CCNF: variants seen among roughly 807,000 people sequenced by gnomAD.
The protein encoded by CCNF is cyclin F, also known as cyclin-F.
In CCNF, 30 loss-of-function variants were observed where a neutral mutation model predicts 85.4. The observed-to-expected ratio is 0.35, with a 90% confidence interval of 0.26 to 0.48. The LOEUF is 0.48. Ranked by LOEUF, CCNF falls within the 20% of genes least tolerant of loss-of-function variation. The pLI is 0.99. For missense variants in CCNF, 919 were observed against 1,010.4 expected (o/e 0.91, Z 1.23); for synonymous variants, 439 against 425.1 (o/e 1.03, Z -0.40).
rs140856384 is a variant in CCNF, at chr16:2,435,839, G to A, written c.312G>A (p.Val104=). The A allele has an allele frequency of 3.7e-4, 603 of 1,613,860 alleles. No individual in the cohort carries two copies. The highest frequency in any genetic ancestry group is 1.8e-3 in the Middle Eastern group (11 of 6,060). Residue 104 remains valine, a synonymous_variant, in exon 4 of 17, where the codon GTG becomes GTA. Transcript: ENST00000397066. ...AAAAGGGGAATTTCGAAGCTGCTGT[G>A]AAGCTGGGCATAGCCTACCTCTACA... is the stretch of plus-strand genomic sequence containing the variant. ...AAEKGNFEAA[V]KLGIAYLYNE...
In CCNF at chr16:2,443,793, A is replaced by G. The variant is rs1166969662; in HGVS notation, c.922A>G (p.Thr308Ala). 6.2e-7 allele frequency: 1 copy of G among 1,613,974 alleles called. No homozygotes were observed. Among genetic ancestry groups the G allele is most frequent in the Non-Finnish European group, 8.5e-7 (1 of 1,179,962 alleles). The change falls in exon 9 of 17, where the codon ACA (threonine) becomes GCA (alanine). Residue 308 changes from threonine to alanine, a missense_variant. By Grantham distance (58) the Thr-to-Ala change is moderately conservative. This residue lies in a region of CCNF where 410 missense variants were observed against 478.6 expected (regional missense o/e 0.86). Coordinates refer to ENST00000397066, the MANE Select transcript of CCNF (RefSeq NM_001761.3). Reference sequence around the variant, plus strand: ...CTCCGTGCAGAAGGGACTCAATGACACAATGAGGTGAGGCATTCAGGCCGG... The same window carrying G: ...CTCCGTGCAGAAGGGACTCAATGACGCAATGAGGTGAGGCATTCAGGCCGG... ...VFSVQKGLNDTMRYILIDWLV... is the reference protein window; with the variant it reads ...VFSVQKGLNDAMRYILIDWLV...
chr16:2,443,921 A>AC (rs2065346579), intron 9 of CCNF, 121 bp downstream of exon 9: 5 of 700,946 alleles, frequency 7.1e-6, no homozygotes, highest in East Asian at 3.4e-5. Flanking sequence ...TTCCCTTATC[A>AC]CCCTTTTTTT....
rs2065301350 is a variant in CCNF at position 2,438,121 on chromosome 16, G to A, written c.592G>A (p.Glu198Lys). The change falls in exon 6 of 17, where the codon GAG becomes AAG. Residue 198 changes from glutamate (E) to lysine (K), a missense_variant and splice_region_variant. Glu to Lys is a moderately conservative substitution (Grantham distance 56). Around this residue, in one of 3 missense-constraint regions of CCNF, gnomAD observed 410 missense variants for 478.6 expected, o/e 0.86. Transcript: ENST00000397066. ...HCLGRVLSLF[E>K]DEEKQQQAHD... is the part of the protein sequence containing the mutation. ...CTTGGGCAGAGTGCTGAGTCTGTTCGAGGTGAGTCAAGTTGTTCTCTGCAC... is the reference window on the plus strand; with the variant it reads ...CTTGGGCAGAGTGCTGAGTCTGTTCAAGGTGAGTCAAGTTGTTCTCTGCAC... 1.9e-6 allele frequency: 3 copies of A among 1,605,794 alleles called. No homozygotes were observed. The highest frequency in any genetic ancestry group is 1.1e-5 in the South Asian group (1 of 90,902).
intron 4 of CCNF, 45 bp from the exon 5 acceptor site, chr16:2,437,084 G>A (rs776563616): frequency 4.8e-6 from 7 of 1,445,378 alleles, no homozygotes; most frequent in Admixed American, 4.3e-5. Context: ...TCCACATTCC[G>A]TCCCTAAGAG....
intron 15 of CCNF, among the ~76,000 whole-genome samples, chr16:2,454,791 T>G (rs548083797): frequency 2.0e-5 from 3 of 152,154 alleles, no homozygotes; most frequent in South Asian, 4.1e-4. Context: ...CGGGTGCGGT[T>G]GCTCATGCCT....
chr16:2,441,095 CT>C (rs1417427620), intron 8 of CCNF, among the ~76,000 whole-genome samples: 2 of 151,964 alleles, frequency 1.3e-5, no homozygotes, highest in Non-Finnish European at 2.9e-5. Flanking sequence ...TTAGCTGGGC[CT>C]GGTGGCATGT....
rs1415642307 is a variant in CCNF at position 2,453,838 on chromosome 16, G to A, written c.1715+301G>A. Among the ~76,000 whole-genome samples, 1 of 152,174 alleles carries A rather than the reference G, an allele frequency of 6.6e-6. No individual in the cohort carries two copies. The highest frequency in any genetic ancestry group is 2.4e-5 in the African/African-American group (1 of 41,434). ...CTAGCCTGGCTCTAGCCCTGCCCGTGCCTGTCATGCGCGTCCTGGACTTCT... is the reference window on the plus strand; with the variant it reads ...CTAGCCTGGCTCTAGCCCTGCCCGTACCTGTCATGCGCGTCCTGGACTTCT... On this transcript the variant is annotated intron_variant, in intron 15 of 16. Transcript: ENST00000397066. This position sits in a 1 kb window ranked among gnomAD's most constrained non-coding sequence, Gnocchi z 5.6.
At chr16:2,435,512 G>C (rs1303595135) in intron 3 of CCNF, among the ~76,000 whole-genome samples, 1 of 151,230 alleles carries the variant, frequency 6.6e-6, no homozygotes, top group Admixed American at 6.6e-5. Flanking sequence ...TTAAGCCCAG[G>C]AGGTTGAGGC....
In CCNF at chr16:2,453,475, T is replaced by G; in HGVS notation, c.1653T>G (p.Thr551=). ...GVTQDSPDPP[T]FLSTGEIHAF... is the part of the protein sequence containing the mutation. ...CACAAGACAGCCCCGACCCCCCGAC[T>G]TTCCTCAGCACAGGGGAGATCCACG... The change falls in exon 15 of 17, where the codon ACT becomes ACG. Residue 551 remains threonine (T), a synonymous_variant. Transcript: ENST00000397066. The surrounding 1 kb of genome is among the most constrained non-coding windows in gnomAD (Gnocchi z 5.6). 6.2e-7 allele frequency: 1 copy of G among 1,614,062 alleles called. No individual in the cohort carries two copies. The highest frequency in any genetic ancestry group is 8.5e-7 in the Non-Finnish European group (1 of 1,179,992).
Position 2,455,375 on chromosome 16 carries a change from G to T in CCNF, c.1716-20G>T, listed in dbSNP as rs1224597542. The stretch of plus-strand genomic sequence containing the variant: ...GCCGCCGTCCATGACTGGGTCTCCT[G>T]GGCTCTCTCCACCTTGCAGGAAGCG... On this transcript the variant is annotated intron_variant, in intron 15 of 16. Transcript: ENST00000397066. 5.1e-6 allele frequency: 8 copies of T among 1,566,180 alleles called. No homozygotes were observed. The highest frequency in any genetic ancestry group is 7.0e-6 in the Non-Finnish European group (8 of 1,146,816).
chr16:2,431,226 A>G lies in CCNF; in HGVS notation c.113A>G (p.Asp38Gly). The part of the protein sequence containing the change: ...RNLTILSLPE[D>G]VLFHILKWLS... ...CTGACCATCTTGAGTCTCCCCGAAG[A>G]TGTGCTCTTTCACATCCTGAAATGG... is the stretch of plus-strand genomic sequence containing the variant. Residue 38 changes from aspartate (D) to glycine (G), a missense_variant, in exon 2 of 17, where the codon GAT becomes GGT. By Grantham distance (94) the Asp-to-Gly change is moderately conservative (BLOSUM62 -1). This residue lies in a region of CCNF where 410 missense variants were observed against 478.6 expected (regional missense o/e 0.86). Transcript: ENST00000397066. 2 of 1,614,154 alleles carry G rather than the reference A, an allele frequency of 1.2e-6. No individual in the cohort carries two copies. The highest frequency in any genetic ancestry group is 1.1e-5 in the South Asian group (1 of 91,090).
chr16:2,435,661 AC>A, intron 3 of CCNF, 144 bp from the exon 4 acceptor site: 1 of 151,150 alleles, frequency 6.6e-6, no homozygotes, highest in African/African-American at 2.5e-4. Context: ...ATATGCACAC[AC>A]ACACATATAT....
Position 2,441,306 on chromosome 16 carries a change from G to C in CCNF, c.777+1480G>C, listed in dbSNP as rs980803087. Among the ~76,000 whole-genome samples the C allele has an allele frequency of 2.0e-5, 3 of 152,260 alleles. 1 individual carries two copies. The highest frequency in any genetic ancestry group is 7.2e-5 in the African/African-American group (3 of 41,554). ...AGCTACTCAGGAGGCTGAGGCAGGA[G>C]GATCACTTGAGCCTGCGAGGTCAAA... On this transcript the variant is annotated intron_variant, in intron 8 of 16. Coordinates refer to ENST00000397066, the MANE Select transcript of CCNF (RefSeq NM_001761.3).
Position 2,456,110 on chromosome 16 carries a change from G to A in CCNF, c.1886-435G>A, listed in dbSNP as rs896405195. The A allele has an allele frequency of 7.7e-5, 13 of 168,948 alleles. No individual in the cohort carries two copies. The highest frequency in any genetic ancestry group is 2.9e-4 in the African/African-American group (12 of 42,046). The allele number at this position is 168,948 out of a possible 1,614,324, so 10.5% of individuals were successfully genotyped here. On this transcript the variant is annotated intron_variant, in intron 16 of 16. Coordinates refer to ENST00000397066, the MANE Select transcript of CCNF (RefSeq NM_001761.3). This position sits in a 1 kb window ranked among gnomAD's most constrained non-coding sequence, Gnocchi z 4.5. ...CAGGAGGTGGGAGCTGCAGTGAGCC[G>A]TGATCATGCCACTGCACTGTAGCCT...
chr16:2,445,741 T>TTTTTG, intron 10 of CCNF, 119 bp downstream of exon 10: 1 of 1,025,404 alleles, frequency 9.8e-7, no homozygotes, highest in South Asian at 1.7e-5. Flanking sequence ...TTTTTTTTTT[T>TTTTTG]TCCCGAGACC....
chr16:2,429,625 C>A, intron 1 of CCNF, 128 bp downstream of exon 1: 1 of 971,508 alleles, frequency 1.0e-6, no homozygotes, highest in Non-Finnish European at 1.3e-6. Context: ...AGCTCTTTAA[C>A]CCGGGGCGGA....
intron 1 of CCNF, among the ~76,000 whole-genome samples, chr16:2,430,081 C>T (rs924345713): frequency 6.6e-6 from 1 of 152,178 alleles, no homozygotes; most frequent in Non-Finnish European, 1.5e-5. Flanking sequence ...GAGAATTCGT[C>T]GCCCTGGAAT....
chr16:2,452,860 G>A lies in CCNF; in HGVS notation c.1488-350G>A. On this transcript the variant is annotated intron_variant, in intron 13 of 16. Transcript: ENST00000397066. The surrounding 1 kb of genome is among the most constrained non-coding windows in gnomAD (Gnocchi z 4.1). ...CGTTTGCTGGGTTTGTCCATGTGGTGTGTGTCCCTGCTTTGTTCTTTTTCA... is the reference window on the plus strand; with the variant it reads ...CGTTTGCTGGGTTTGTCCATGTGGTATGTGTCCCTGCTTTGTTCTTTTTCA... The A allele has an allele frequency of 3.2e-6, 1 of 312,594 alleles. No homozygotes were observed. The highest frequency in any genetic ancestry group is 3.5e-5 in the South Asian group (1 of 28,536). 19.4% of individuals were successfully genotyped at this position (312,594 alleles called of 1,614,324 possible). A position where few individuals can be genotyped will look rare whatever the true frequency, so the allele number is the denominator to read the frequency against.
intron 8 of CCNF, among the ~76,000 whole-genome samples, chr16:2,441,981 A>ATATATGTG (rs1322601122): frequency 1.7e-4 from 17 of 98,770 alleles, no homozygotes; most frequent in Admixed American, 4.2e-4. Context: ...ATATATATAT[A>ATATATGTG]TGTTTTTGTT....
Sources: gnomAD v4.1 joint callset for allele counts (sites outside exome capture counted in the v4.1 genomes callset) on GRCh38, gnomAD v4.1.1 for gene constraint, gnomAD v4.1.1 regional missense constraint, Gnocchi (gnomAD v3.1) non-coding constraint, MANE v1.5 for transcripts, NCBI Gene and HGNC (gene_info 2026-07-23, HGNC 2026-07-21) for gene names.